Variants in SYCP2 observed in about 807,000 individuals in gnomAD.
The protein encoded by SYCP2 is synaptonemal complex protein 2.
SYCP2 carries 55 observed loss-of-function variants against 211.3 expected under a neutral mutation model. The ratio of observed to expected loss-of-function variants is 0.26; its 90% confidence interval spans 0.21 to 0.33. The LOEUF is 0.33. Ranked by LOEUF, SYCP2 falls within the 10% of genes least tolerant of loss-of-function variation. The pLI is 1.00. For synonymous variants in SYCP2, 570 were observed against 555.2 expected (o/e 1.03, Z -0.37); for missense variants, 1,731 against 1,752.0 (o/e 0.99, Z 0.21).
chr20:59,865,092 C>G (rs1003736068), intron 44 of SYCP2, among the ~76,000 whole-genome samples: 2 of 152,036 alleles, frequency 1.3e-5, no homozygotes, highest in African/African-American at 4.8e-5. Flanking sequence ...CACAGCAGGA[C>G]AGACGCCTGC....
chr20:59,885,754 G>A (rs139502616), intron 26 of SYCP2, among the ~76,000 whole-genome samples, 174 bp downstream of exon 26: 41 of 152,248 alleles, frequency 2.7e-4, no homozygotes, highest in Middle Eastern at 3.4e-3. Flanking sequence ...AAAACAGAAG[G>A]TTGGAGGGCT....
intron 15 of SYCP2, among the ~76,000 whole-genome samples, chr20:59,902,648 A>T (rs1232529263): frequency 6.6e-6 from 1 of 152,168 alleles, no homozygotes; most frequent in Non-Finnish European, 1.5e-5. Context: ...CAAATGTCCT[A>T]TAGGCTATGA....
chr20:59,864,191 T>C lies in SYCP2; in HGVS notation c.*120A>G, dbSNP rs1275667240. 3.1e-5 allele frequency: 20 copies of C among 652,312 alleles called. No homozygotes were observed. The East Asian group carries it at 4.0e-4, about 13-fold the overall frequency. The allele number at this position is 652,312 out of a possible 1,614,324, so 40.4% of individuals were successfully genotyped here. On this transcript the variant is annotated 3_prime_UTR_variant, in exon 45 of 45. Transcript: ENST00000357552. ...CATTTTTTTTTAATTTGAGGGTTCC[T>C]ATAAAGGGTACACTTGCTTCGGTGA...
intron 24 of SYCP2, 41 bp downstream of exon 24, chr20:59,891,949 T>C: frequency 6.8e-7 from 1 of 1,479,480 alleles, no homozygotes; most frequent in Non-Finnish European, 9.1e-7. Flanking sequence ...CAAGTAGGCA[T>C]CTTATGGATA....
At chr20:59,892,822 TTTATC>T (rs1600879972) in intron 22 of SYCP2, 121 bp from the exon 23 acceptor site, 8 of 869,092 alleles carry the variant, frequency 9.2e-6, no homozygotes, top group African/African-American at 5.2e-5. Flanking sequence ...TATGTGGAAA[TTTATC>T]TTATCTTACA....
Position 59,869,974 on chromosome 20 carries a change from T to C in SYCP2, c.3565A>G (p.Thr1189Ala), listed in dbSNP as rs775590660. Residue 1189 changes from threonine to alanine, a missense_variant, in exon 36 of 45, where the codon ACT becomes GCT. By Grantham distance (58) the Thr-to-Ala change is moderately conservative (BLOSUM62 0). Around this residue, in one of 3 missense-constraint regions of SYCP2, gnomAD observed 1,387 missense variants for 1,351.3 expected, o/e 1.03. Coordinates refer to ENST00000357552, the MANE Select transcript of SYCP2 (RefSeq NM_014258.4). ...ACAATAGTATTACTCTTAGTTGGAG[T>C]ATGTCTGGGCTATGAATGAAGACAT... ...IPRPLFLPRH[T>A]PTKSNTIVNR... is the part of the protein sequence containing the mutation. 6.3e-7 allele frequency: 1 copy of C among 1,593,422 alleles called. No individual in the cohort carries two copies. Among genetic ancestry groups the C allele is most frequent in the South Asian group, 1.1e-5 (1 of 88,578 alleles).
intron 12 of SYCP2, among the ~76,000 whole-genome samples, chr20:59,912,901 G>C (rs2060358249): frequency 6.6e-6 from 1 of 152,296 alleles, no homozygotes; most frequent in East Asian, 1.9e-4. Context: ...TGCTATCCAC[G>C]TAAGATGGGA....
At chr20:59,932,697 A>C (rs973255235) in intron 1 of SYCP2, among the ~76,000 whole-genome samples, 2 of 151,846 alleles carry the variant, frequency 1.3e-5, no homozygotes, top group African/African-American at 4.8e-5. Context: ...ACAAAAAAAA[A>C]CCACGCTGCC....
At chr20:59,931,958 T>A (rs1465888742) in intron 2 of SYCP2, 104 bp downstream of exon 2, 2 of 152,176 alleles carry the variant, frequency 1.3e-5, no homozygotes, top group East Asian at 3.9e-4. Flanking sequence ...TCCAGCCTCA[T>A]AAGGAAACAA....
Position 59,901,718 on chromosome 20 carries a change from C to G in SYCP2, c.1126G>C (p.Ala376Pro). ...GTTACATTAGTGATTTCTAGTGATG[C>G]GTCAAAATACAAAAGCAATTCTTTC... is the stretch of plus-strand genomic sequence containing the variant. Reference protein sequence around the residue: ...EGKELLLYFDASLEITNVTQK... With the variant: ...EGKELLLYFDPSLEITNVTQK... The change falls in exon 16 of 45, where the codon GCA (alanine) becomes CCA (proline). Residue 376 changes from alanine (A) to proline (P), a missense_variant. By Grantham distance (27) the Ala-to-Pro change is conservative (BLOSUM62 -1). Coordinates refer to ENST00000357552, the MANE Select transcript of SYCP2 (RefSeq NM_014258.4). The G allele has an allele frequency of 6.2e-7, 1 of 1,604,980 alleles. No individual in the cohort carries two copies. The highest frequency in any genetic ancestry group is 1.7e-4 in the Middle Eastern group (1 of 6,024).
Position 59,886,740 on chromosome 20 carries a change from G to C in SYCP2, c.2459C>G (p.Ser820Cys), listed in dbSNP as rs1336242456. Residue 820 changes from serine to cysteine, a missense_variant, in exon 25 of 45, where the codon TCT (serine) becomes TGT (cysteine). Around this residue, in one of 3 missense-constraint regions of SYCP2, gnomAD observed 1,387 missense variants for 1,351.3 expected, o/e 1.03. Transcript: ENST00000357552. ...KRYKTKDDIKSTRKLKESLIN... is the reference protein window; with the variant it reads ...KRYKTKDDIKCTRKLKESLIN... ...CAAAGACTCCTTTAATTTTCTTGTA[G>C]ACTTGATGTCATCTTTTGTTTTGTA... 2 of 1,581,620 alleles carry C rather than the reference G, an allele frequency of 1.3e-6. No individual in the cohort carries two copies. Among genetic ancestry groups the C allele is most frequent in the Non-Finnish European group, 1.7e-6 (2 of 1,166,972 alleles).
At chr20:59,876,584 C>CCA (rs971976127) in intron 33 of SYCP2, among the ~76,000 whole-genome samples, 1 of 151,632 alleles carries the variant, frequency 6.6e-6, no homozygotes, top group Non-Finnish European at 1.5e-5. Flanking sequence ...CCTAGACCTA[C>CCA]CACTTCCTAG....
At chr20:59,919,455 T>G in intron 6 of SYCP2, 38 bp downstream of exon 6, 1 of 1,390,426 alleles carries the variant, frequency 7.2e-7, no homozygotes, top group Non-Finnish European at 1.0e-6. Flanking sequence ...AATAAACACA[T>G]GCTTTATAAA....
intron 42 of SYCP2, 30 bp downstream of exon 42, chr20:59,865,777 G>T: frequency 8.1e-7 from 1 of 1,231,612 alleles, no homozygotes; most frequent in Non-Finnish European, 1.1e-6. Context: ...TAATTTTATA[G>T]ATTATAGCCA....
chr20:59,927,360 A>G (rs1488235615), intron 2 of SYCP2, among the ~76,000 whole-genome samples: 1 of 152,112 alleles, frequency 6.6e-6, no homozygotes, highest in Non-Finnish European at 1.5e-5. Context: ...ATGTATTGCC[A>G]AATACCTTTG....
chr20:59,864,333 T>C lies in SYCP2; in HGVS notation c.4571A>G (p.His1524Arg), dbSNP rs747476868. The C allele has an allele frequency of 1.2e-5, 19 of 1,604,962 alleles. No homozygotes were observed. The East Asian group carries it at 4.3e-4, about 36-fold the overall frequency. ...ATTTCACACATTAGCATTTCTTTCA[T>C]GAGACATGAATACTGACATCAGTTC... ...RRELMSVFMSHERNANV is the reference protein window; with the variant it reads ...RRELMSVFMSRERNANV The change falls in exon 45 of 45, where the codon CAT becomes CGT. Residue 1524 changes from histidine to arginine, a missense_variant. Transcript: ENST00000357552.
intron 2 of SYCP2, among the ~76,000 whole-genome samples, chr20:59,930,553 G>A (rs62205071): frequency 6.6e-6 from 1 of 152,136 alleles, no homozygotes; most frequent in African/African-American, 2.4e-5. Context: ...TAGCAAATTA[G>A]TGCACAGTAT....
In SYCP2 at chr20:59,875,602, T is replaced by C. The variant is rs930634804; in HGVS notation, c.3151-133A>G. 2.8e-5 allele frequency: 17 copies of C among 613,732 alleles called. No individual in the cohort carries two copies. In the South Asian group the frequency reaches 4.5e-4, roughly 16 times the overall value. 38.0% of individuals were successfully genotyped at this position (613,732 alleles called of 1,614,324 possible). On this transcript the variant is annotated intron_variant, in intron 33 of 44. Transcript: ENST00000357552. ...TACAGGCATAACAAGGACCTAGACA[T>C]GAGTAGTGAAAGACTTTCTAATATA...
intron 2 of SYCP2, among the ~76,000 whole-genome samples, chr20:59,929,723 A>C (rs1156284965): frequency 6.6e-6 from 1 of 152,178 alleles, no homozygotes; most frequent in East Asian, 1.9e-4. Context: ...TATCTGTGTA[A>C]CACCAGAGGA....
Sources: allele counts gnomAD v4.1 joint callset (sites outside exome capture counted in the v4.1 genomes callset), GRCh38; gene constraint gnomAD v4.1.1; regional missense constraint gnomAD v4.1.1; transcripts MANE v1.5; gene names NCBI Gene and HGNC (gene_info 2026-07-23, HGNC 2026-07-21).